RBM33: variants seen among roughly 807,000 people sequenced by gnomAD.
The protein encoded by RBM33 is RNA-binding protein 33.
A neutral mutation model predicts 132.6 loss-of-function variants in RBM33; 28 were observed. The observed-to-expected ratio is 0.21, with a 90% CI of 0.16 to 0.29. The LOEUF is 0.29. Among genes scored for constraint, RBM33 ranks in the 10% least tolerant of loss-of-function variants. The pLI is 1.00. For missense variants in RBM33, 1,291 were observed against 1,518.5 expected (o/e 0.85, Z 2.49); for synonymous variants, 634 against 593.0 (o/e 1.07, Z -1.01).
chr7:155,731,106 C>T (rs28610362), intron 9 of RBM33, among the ~76,000 whole-genome samples: 1,988 of 152,310 alleles, frequency 0.013, 45 homozygotes, highest in African/African-American at 0.045. Context: ...AAAAATCGAA[C>T]CTTGGTTGAC....
chr7:155,773,249 C>T (rs10254914), intron 16 of RBM33, among the ~76,000 whole-genome samples: 1 of 152,038 alleles, frequency 6.6e-6, no homozygotes, highest in South Asian at 2.1e-4. Flanking sequence ...CATGCCAGGA[C>T]CTGCCCAGGG....
At chr7:155,681,468 G>T (rs1799336385) in intron 5 of RBM33, among the ~76,000 whole-genome samples, 1 of 151,408 alleles carries the variant, frequency 6.6e-6, no homozygotes, top group Admixed American at 6.6e-5. Context: ...TCAGAAAGAT[G>T]ATTTTGGTAG....
At chr7:155,659,894 A>G (rs556515889) in intron 1 of RBM33, among the ~76,000 whole-genome samples, 7 of 152,276 alleles carry the variant, frequency 4.6e-5, no homozygotes, top group African/African-American at 1.7e-4. Context: ...GGCTTCCTGC[A>G]TTCCTTGGCT....
intron 5 of RBM33, among the ~76,000 whole-genome samples, chr7:155,700,488 C>T (rs1201329463): frequency 2.7e-5 from 4 of 148,108 alleles, no homozygotes; most frequent in Non-Finnish European, 5.9e-5. Context: ...TATTTTCAGA[C>T]GTGTAAGCAG....
chr7:155,710,437 C>T (rs1800248560), intron 7 of RBM33, among the ~76,000 whole-genome samples: 1 of 152,058 alleles, frequency 6.6e-6, no homozygotes, highest in African/African-American at 2.4e-5. Flanking sequence ...AGATTTAGTC[C>T]ACGGCAGCTG....
chr7:155,674,897 A>G (rs986261254), intron 3 of RBM33, among the ~76,000 whole-genome samples: 9 of 152,332 alleles, frequency 5.9e-5, no homozygotes, highest in Middle Eastern at 3.4e-3. Context: ...ATTGTACCTT[A>G]TAGGAATCAA....
chr7:155,668,053 A>G (rs545036018), intron 2 of RBM33, among the ~76,000 whole-genome samples: 2 of 152,328 alleles, frequency 1.3e-5, no homozygotes, highest in South Asian at 2.1e-4. Context: ...AATAGTTACT[A>G]TATCTAAAAA....
At chr7:155,724,442 C>T (rs533087631) in intron 9 of RBM33, among the ~76,000 whole-genome samples, 45 of 152,278 alleles carry the variant, frequency 3.0e-4, no homozygotes, top group African/African-American at 5.1e-4. Flanking sequence ...GCAGGAGAAT[C>T]GCTTGAACCC....
rs147538747 is a variant in RBM33 at position 155,766,112 on chromosome 7, G to T, written c.3187-355G>T. Among the ~76,000 whole-genome samples the T allele has an allele frequency of 4.5e-3, 682 of 152,212 alleles. 3 individuals carry two copies. Among genetic ancestry groups the T allele is most frequent in the Admixed American group, 7.5e-3 (114 of 15,300 alleles). On this transcript the variant is annotated intron_variant, in intron 15 of 17. Transcript: ENST00000401878. ...TGGGGGCTCTGGGACTCTCAGGACA[G>T]GATCCAAATTCTGAACTGTCATTTG...
intron 9 of RBM33, among the ~76,000 whole-genome samples, chr7:155,722,282 G>T (rs1284934484): frequency 6.6e-6 from 1 of 152,130 alleles, no homozygotes; most frequent in African/African-American, 2.4e-5. Context: ...CAGTCTTCTG[G>T]TCTGGCCTCT....
intron 14 of RBM33, among the ~76,000 whole-genome samples, chr7:155,753,239 A>G (rs1437023678): frequency 6.6e-6 from 1 of 152,208 alleles, no homozygotes; most frequent in Non-Finnish European, 1.5e-5. Flanking sequence ...TCTGGGCATT[A>G]TTTCCTGCAA....
Position 155,680,783 on chromosome 7 carries a change from T to C in RBM33, c.442T>C (p.Tyr148His), listed in dbSNP as rs1485036691. 6.2e-7 allele frequency: 1 copy of C among 1,613,794 alleles called. No individual in the cohort carries two copies. The highest frequency in any genetic ancestry group is 1.1e-5 in the South Asian group (1 of 91,050). Reference protein sequence around the residue: ...YTQEYPEEGQYEGHEAELTED... With the variant: ...YTQEYPEEGQHEGHEAELTED... ...TCAAGAGTACCCAGAAGAAGGACAG[T>C]ATGAAGGCCACGAAGCTGAGTTGAC... is the stretch of plus-strand genomic sequence containing the variant. Residue 148 changes from tyrosine to histidine, a missense_variant, in exon 5 of 18, where the codon TAT (tyrosine) becomes CAT (histidine). Tyr to His is a moderately conservative substitution (Grantham distance 83). Coordinates refer to ENST00000401878, the MANE Select transcript of RBM33 (RefSeq NM_053043.3).
chr7:155,744,350 G>A lies in RBM33; in HGVS notation c.2338-611G>A, dbSNP rs80328764. ...TTTGTATCGACTTGAAGAATGGTTT[G>A]GAACTTGGAATATTAAAGGCGTTCC... On this transcript the variant is annotated intron_variant, in intron 13 of 17. Coordinates refer to ENST00000401878, the MANE Select transcript of RBM33 (RefSeq NM_053043.3). Among the ~76,000 whole-genome samples the A allele has an allele frequency of 6.3e-3, 962 of 152,256 alleles. 17 individuals are homozygous for A. Among genetic ancestry groups the A allele is most frequent in the African/African-American group, 0.022 (894 of 41,542 alleles).
At position 155,738,294 on chromosome 7, in the gene RBM33, T is replaced by G; in HGVS notation, c.1628T>G (p.Phe543Cys). ...QPPGPVGILH[F>C]SQPGSATTRP... ...CCAGGTCCGGTGGGGATTCTGCACTTTAGCCAGCCTGGGTCGGCAACCACA... is the reference window on the plus strand; with the variant it reads ...CCAGGTCCGGTGGGGATTCTGCACTGTAGCCAGCCTGGGTCGGCAACCACA... The change falls in exon 11 of 18, where the codon TTT (phenylalanine) becomes TGT (cysteine). Residue 543 changes from phenylalanine to cysteine, a missense_variant. Around this residue, in one of 7 missense-constraint regions of RBM33, gnomAD observed 841 missense variants for 912.0 expected, o/e 0.92. Transcript: ENST00000401878. 6.2e-7 allele frequency: 1 copy of G among 1,613,972 alleles called. No homozygotes were observed.
chr7:155,734,877 A>C (rs1446448165), intron 9 of RBM33, among the ~76,000 whole-genome samples: 3 of 150,752 alleles, frequency 2.0e-5, no homozygotes, highest in Non-Finnish European at 2.9e-5. Context: ...ATTCCGTGTC[A>C]TTCTGAGAAG....
rs184764495 is a variant in RBM33, at chr7:155,678,047, T to A, written c.172-561T>A. Among the ~76,000 whole-genome samples, 423 of 152,290 alleles carry A rather than the reference T, an allele frequency of 2.8e-3. 2 individuals carry two copies. Among genetic ancestry groups the A allele is most frequent in the Non-Finnish European group, 5.4e-3 (364 of 68,028 alleles). On this transcript the variant is annotated intron_variant, in intron 3 of 17. Coordinates refer to ENST00000401878, the MANE Select transcript of RBM33 (RefSeq NM_053043.3). ...CTCTTGACAGAATAGCTAGGCTCTCTCTCCTTATAGGTAGGAGTACCATCA... is the reference window on the plus strand; with the variant it reads ...CTCTTGACAGAATAGCTAGGCTCTCACTCCTTATAGGTAGGAGTACCATCA...
chr7:155,673,798 A>ACC (rs1554469982), intron 3 of RBM33, among the ~76,000 whole-genome samples: 2 of 144,002 alleles, frequency 1.4e-5, no homozygotes, highest in African/African-American at 5.6e-5. Context: ...ACACACACAC[A>ACC]CACCCCTACC....
chr7:155,648,249 T>C lies in RBM33; in HGVS notation c.43+3330T>C, dbSNP rs564971767. On this transcript the variant is annotated intron_variant, in intron 1 of 17. Coordinates refer to ENST00000401878, the MANE Select transcript of RBM33 (RefSeq NM_053043.3). ...ATATTTCAAACAAATCCTAGGCTGGTAAAATTTTAGAGCAAGATACACTGC... is the reference window on the plus strand; with the variant it reads ...ATATTTCAAACAAATCCTAGGCTGGCAAAATTTTAGAGCAAGATACACTGC... 1.5e-4 allele frequency among the ~76,000 whole-genome samples: 23 copies of C among 152,316 alleles called. No individual in the cohort carries two copies. In the East Asian group the frequency reaches 4.2e-3, roughly 28 times the overall value.
At chr7:155,652,808 G>A (rs1304641860) in intron 1 of RBM33, among the ~76,000 whole-genome samples, 1 of 152,138 alleles carries the variant, frequency 6.6e-6, no homozygotes, top group African/African-American at 2.4e-5. Flanking sequence ...GACTAATGGG[G>A]ACACATTTTT....
Sources: allele counts gnomAD v4.1 joint callset (sites outside exome capture counted in the v4.1 genomes callset), GRCh38; gene constraint gnomAD v4.1.1; regional missense constraint gnomAD v4.1.1; transcripts MANE v1.5; gene names NCBI Gene and HGNC (gene_info 2026-07-23, HGNC 2026-07-21).